The following FBXL17 variants were observed in gnomAD, a reference collection of about 807,000 sequenced individuals.
The protein encoded by FBXL17 is F-box and leucine rich repeat protein 17, also known as F-box/LRR-repeat protein 17.
A neutral mutation model predicts 66.2 loss-of-function variants in FBXL17; 22 were observed. The observed-to-expected ratio is 0.33, with a 90% CI of 0.24 to 0.47. The LOEUF (loss-of-function observed/expected upper bound fraction) is 0.47, where lower values mean the gene tolerates loss of function less well. Ranked by LOEUF, FBXL17 falls within the 20% of genes least tolerant of loss-of-function variation. The pLI is 1.00. For missense variants in FBXL17, 878 were observed against 948.2 expected, an observed-to-expected ratio of 0.93 and a Z score of 0.97; for synonymous variants, 474 against 400.5, an observed-to-expected ratio of 1.18 and a Z score of -2.19.
rs150104084 is a variant in FBXL17, at chr5:108,136,481, G to C, written c.1745+49636C>G. Among the ~76,000 whole-genome samples the C allele has an allele frequency of 1.1e-3, 166 of 152,226 alleles. 2 individuals carry two copies. The highest frequency in any genetic ancestry group is 3.7e-3 in the African/African-American group (154 of 41,558). On this transcript the variant is annotated intron_variant, in intron 6 of 8. Transcript: ENST00000542267. The stretch of plus-strand genomic sequence containing the variant: ...TTTTCTTGCTCCAAAGTGGGTTGTG[G>C]ATGTAAGAACTAGTTTTTCTTGCTC...
chr5:108,096,910 G>C (rs1749389399), intron 6 of FBXL17, among the ~76,000 whole-genome samples: 2 of 152,224 alleles, frequency 1.3e-5, no homozygotes, highest in Admixed American at 6.5e-5. Flanking sequence ...AAGAGTGAAA[G>C]AGTGGTACAC....
At chr5:108,262,162 C>T (rs191551351) in intron 4 of FBXL17, among the ~76,000 whole-genome samples, 56 of 150,764 alleles carry the variant, frequency 3.7e-4, no homozygotes, top group South Asian at 2.1e-3. Flanking sequence ...CTGCAAGCTC[C>T]GCCTCCCGGG....
At chr5:108,125,873 T>C (rs975717775) in intron 6 of FBXL17, among the ~76,000 whole-genome samples, 1 of 152,158 alleles carries the variant, frequency 6.6e-6, no homozygotes, top group African/African-American at 2.4e-5. Context: ...AGAAAATCTA[T>C]TTTTAGTCGT....
intron 6 of FBXL17, among the ~76,000 whole-genome samples, chr5:108,084,353 C>T (rs912335558): frequency 7.2e-5 from 11 of 152,190 alleles, no homozygotes; most frequent in African/African-American, 2.7e-4. Flanking sequence ...AGGAAGCAAA[C>T]TTTACTTATC....
intron 5 of FBXL17, among the ~76,000 whole-genome samples, chr5:108,200,424 G>A (rs1198063718): frequency 6.6e-6 from 1 of 152,044 alleles, no homozygotes; most frequent in Admixed American, 6.6e-5. Flanking sequence ...TCACTCTAAC[G>A]GGAGTTCTTT....
intron 5 of FBXL17, among the ~76,000 whole-genome samples, chr5:108,189,715 G>A (rs1753389633): frequency 6.6e-6 from 1 of 152,168 alleles, no homozygotes; most frequent in Admixed American, 6.5e-5. Context: ...AGTATCCTAG[G>A]TGGGCCTGAC....
chr5:108,033,804 T>C (rs568893844), intron 6 of FBXL17, among the ~76,000 whole-genome samples: 4 of 152,190 alleles, frequency 2.6e-5, no homozygotes, highest in African/African-American at 4.8e-5. Flanking sequence ...TTCTGATGAG[T>C]TCGTAAAGAC....
intron 8 of FBXL17, among the ~76,000 whole-genome samples, chr5:107,870,051 G>A (rs998026556): frequency 1.2e-4 from 19 of 152,242 alleles, no homozygotes; most frequent in Non-Finnish European, 2.2e-4. Context: ...CCAATGCCCA[G>A]GCCATATCCT....
At chr5:108,152,252 A>C (rs1253624999) in intron 6 of FBXL17, among the ~76,000 whole-genome samples, 1 of 152,224 alleles carries the variant, frequency 6.6e-6, no homozygotes, top group East Asian at 1.9e-4. Context: ...ACAAAATATC[A>C]ACATTTTAAA....
intron 6 of FBXL17, among the ~76,000 whole-genome samples, chr5:108,100,533 T>A (rs1749560797): frequency 6.6e-6 from 1 of 152,210 alleles, no homozygotes; most frequent in East Asian, 1.9e-4. Context: ...AATACTTGCA[T>A]AATGTAGGTT....
chr5:108,216,656 G>T (rs1304127761), intron 5 of FBXL17, among the ~76,000 whole-genome samples: 1 of 152,030 alleles, frequency 6.6e-6, no homozygotes, highest in Non-Finnish European at 1.5e-5. Context: ...ATACTGAAAG[G>T]AGTTAGTTAG....
intron 6 of FBXL17, among the ~76,000 whole-genome samples, chr5:108,059,103 G>A (rs751081434): frequency 7.9e-5 from 12 of 152,306 alleles, no homozygotes; most frequent in South Asian, 6.2e-4. Flanking sequence ...TGTTTCCCAA[G>A]TATAAGACCT....
intron 6 of FBXL17, among the ~76,000 whole-genome samples, chr5:108,144,870 T>C (rs1296506185): frequency 1.3e-5 from 2 of 152,142 alleles, no homozygotes; most frequent in African/African-American, 4.8e-5. Flanking sequence ...AAATTGAAAA[T>C]AAACACGTTT....
intron 5 of FBXL17, among the ~76,000 whole-genome samples, chr5:108,188,973 T>C (rs956336605): frequency 8.5e-5 from 13 of 152,244 alleles, no homozygotes; most frequent in African/African-American, 2.9e-4. Context: ...ATATGAACGC[T>C]CTTTGCTGTG....
chr5:108,100,628 T>C (rs374464889), intron 6 of FBXL17, among the ~76,000 whole-genome samples: 3 of 152,326 alleles, frequency 2.0e-5, no homozygotes, highest in African/African-American at 7.2e-5. Context: ...GAAGAACTCC[T>C]AGGAGACTCT....
intron 8 of FBXL17, among the ~76,000 whole-genome samples, chr5:107,870,347 C>T (rs556521737): frequency 1.3e-5 from 2 of 152,296 alleles, no homozygotes; most frequent in Admixed American, 1.3e-4. Flanking sequence ...CAAATATTCA[C>T]CACTGTCTGA....
intron 6 of FBXL17, among the ~76,000 whole-genome samples, chr5:108,083,540 C>G (rs1032073978): frequency 6.6e-6 from 1 of 151,486 alleles, no homozygotes; most frequent in African/African-American, 2.4e-5. Context: ...AGCTGGGACA[C>G]AGGTGCATCC....
chr5:108,362,376 T>C (rs1311040997), intron 3 of FBXL17, among the ~76,000 whole-genome samples: 2 of 152,150 alleles, frequency 1.3e-5, no homozygotes, highest in East Asian at 3.8e-4. Context: ...ATTTCTTAGA[T>C]ATATTTTAAT....
chr5:108,239,288 C>T (rs575458530), intron 4 of FBXL17, among the ~76,000 whole-genome samples: 105 of 152,268 alleles, frequency 6.9e-4, no homozygotes, highest in Middle Eastern at 3.4e-3. Flanking sequence ...TTCATATCAT[C>T]GAAAGAGGCA....
Sources: allele counts gnomAD v4.1 joint callset (sites outside exome capture counted in the v4.1 genomes callset), GRCh38; gene constraint gnomAD v4.1.1; transcripts MANE v1.5; gene names NCBI Gene and HGNC (gene_info 2026-07-23, HGNC 2026-07-21).